CDC14A: variants seen among roughly 807,000 people sequenced by gnomAD.
The protein encoded by CDC14A is dual specificity protein phosphatase CDC14A.
A neutral mutation model predicts 74.4 loss-of-function variants in CDC14A; 53 were observed. The observed-to-expected ratio is 0.71, with a 90% CI of 0.57 to 0.89. The LOEUF is 0.89. CDC14A is among the 40% of genes least tolerant of loss of function. The probability of loss-of-function intolerance (pLI) is 0.00; values close to 1 mark genes in which losing one functional copy is unlikely to be tolerated. For missense variants in CDC14A, 646 were observed against 713.7 expected, an observed-to-expected ratio of 0.91 and a Z score of 1.08; for synonymous variants, 247 against 258.4, an observed-to-expected ratio of 0.96 and a Z score of 0.43.
chr1:100,513,011 C>T (rs1649909317), intron 15 of CDC14A, among the ~76,000 whole-genome samples: 1 of 152,100 alleles, frequency 6.6e-6, no homozygotes, highest in Non-Finnish European at 1.5e-5. Flanking sequence ...CTATACAATT[C>T]ATCCATGTAG....
rs876661408 is a variant in CDC14A, at chr1:100,484,440, C to T, written c.1126C>T (p.Arg376Ter). ...GNLSKTQNME[R>*]FGEDNLEDDD... ...TCTTTCAAAAACACAAAACATGGAA[C>T]GATTTGGAGAGGTAAGTTTTCCCTA... The change falls in exon 11 of 16, where the codon CGA (arginine) becomes TGA (stop). Residue 376 changes from arginine (R) to a stop codon, truncating the protein, a stop_gained. Coordinates refer to ENST00000336454, the MANE Select transcript of CDC14A (RefSeq NM_003672.4). LOFTEE classifies it high-confidence loss of function. 5.0e-6 allele frequency: 8 copies of T among 1,594,228 alleles called. No individual in the cohort carries two copies. Among genetic ancestry groups the T allele is most frequent in the Middle Eastern group, 1.7e-4 (1 of 5,816 alleles).
chr1:100,387,127 C>T (rs1244242781), intron 3 of CDC14A, among the ~76,000 whole-genome samples: 3 of 151,904 alleles, frequency 2.0e-5, no homozygotes, highest in Admixed American at 1.3e-4. Flanking sequence ...CTCTGTTGAA[C>T]AGCATCACTG....
At chr1:100,461,857 C>A (rs1322854009) in intron 8 of CDC14A, among the ~76,000 whole-genome samples, 1 of 152,112 alleles carries the variant, frequency 6.6e-6, no homozygotes, top group Non-Finnish European at 1.5e-5. Flanking sequence ...TGTACAACAA[C>A]TTTTGAAATA....
chr1:100,484,505 T>C, intron 11 of CDC14A, 54 bp downstream of exon 11: 1 of 1,540,122 alleles, frequency 6.5e-7, no homozygotes, highest in Non-Finnish European at 8.7e-7. Context: ...CTGCATTTGT[T>C]TCTCAGTTGG....
intron 15 of CDC14A, among the ~76,000 whole-genome samples, chr1:100,514,142 T>C (rs1275500886): frequency 6.7e-6 from 1 of 148,612 alleles, no homozygotes; most frequent in Non-Finnish European, 1.5e-5. Context: ...ACTTCTAAAA[T>C]AATATTTGTA....
chr1:100,419,885 A>G (rs1175533457), intron 4 of CDC14A, among the ~76,000 whole-genome samples: 3 of 151,322 alleles, frequency 2.0e-5, no homozygotes, highest in Admixed American at 1.3e-4. Flanking sequence ...TTAAACAAAT[A>G]AAATTGAAGA....
intron 13 of CDC14A, 75 bp downstream of exon 13, chr1:100,496,124 AACACGAAAATCAACTGT>A: frequency 7.8e-7 from 1 of 1,284,496 alleles, no homozygotes; most frequent in East Asian, 2.3e-5. Flanking sequence ...CCAAGCCTCA[AACACGAAAATCAACTGT>A]ACACAGCTTT....
chr1:100,389,712 G>T (rs1359879249), intron 3 of CDC14A, among the ~76,000 whole-genome samples: 5 of 151,978 alleles, frequency 3.3e-5, no homozygotes, highest in African/African-American at 1.2e-4. Flanking sequence ...GGTTCTAAAA[G>T]CAGGGATTTT....
chr1:100,369,933 C>T (rs898679052), intron 2 of CDC14A, among the ~76,000 whole-genome samples: 2 of 151,718 alleles, frequency 1.3e-5, no homozygotes, highest in African/African-American at 4.8e-5. Flanking sequence ...GCCTCAGCCT[C>T]CCAAGTAGCT....
At chr1:100,487,285 A>G (rs1004547002) in intron 11 of CDC14A, among the ~76,000 whole-genome samples, 1 of 152,228 alleles carries the variant, frequency 6.6e-6, no homozygotes, top group Non-Finnish European at 1.5e-5. Flanking sequence ...TAGGCCGGGC[A>G]TGGTGGCTTA....
intron 3 of CDC14A, among the ~76,000 whole-genome samples, chr1:100,389,817 GT>G (rs960167660): frequency 1.3e-5 from 2 of 151,648 alleles, no homozygotes; most frequent in African/African-American, 4.8e-5. Context: ...TTGTGCCTGT[GT>G]TTTTTTTGCT....
intron 4 of CDC14A, among the ~76,000 whole-genome samples, chr1:100,420,053 C>CACAT (rs1553180473): frequency 1.6e-4 from 3 of 18,394 alleles, no homozygotes; most frequent in Admixed American, 5.7e-4. Context: ...CACACACACA[C>CACAT]ACACACACAC....
At chr1:100,429,206 A>AAATAAATAAATAAATAAAT (rs1663318468) in intron 5 of CDC14A, among the ~76,000 whole-genome samples, 1 of 113,418 alleles carries the variant, frequency 8.8e-6, no homozygotes. Context: ...TCCATCTCAA[A>AAATAAATAAATAAATAAAT]AAATAAATAA....
At chr1:100,404,418 AC>A (rs2101020812) in intron 4 of CDC14A, among the ~76,000 whole-genome samples, 1 of 152,068 alleles carries the variant, frequency 6.6e-6, no homozygotes, top group African/African-American at 2.4e-5. Context: ...ATCTTCCCAA[AC>A]CCCCGTAACA....
intron 3 of CDC14A, among the ~76,000 whole-genome samples, chr1:100,389,052 G>A (rs1657283491): frequency 6.6e-6 from 1 of 151,856 alleles, no homozygotes; most frequent in Non-Finnish European, 1.5e-5. Flanking sequence ...GCATGTGCCT[G>A]TGGTCCCAGC....
At chr1:100,489,700 T>C (rs1670424109) in intron 11 of CDC14A, among the ~76,000 whole-genome samples, 7 of 151,984 alleles carry the variant, frequency 4.6e-5, no homozygotes, top group Admixed American at 4.6e-4. Context: ...AGGAAGAGAG[T>C]TGCTGCTTAA....
Position 100,443,004 on chromosome 1 carries a change from CA to C in CDC14A, c.519+9del. 6.4e-7 allele frequency: 1 copy of C among 1,551,078 alleles called. No individual in the cohort carries two copies. Among genetic ancestry groups the C allele is most frequent in the Non-Finnish European group, 8.9e-7 (1 of 1,126,044 alleles). On this transcript the variant is annotated intron_variant, in intron 7 of 15. Transcript: ENST00000336454. ...GAATATGAACATTATGAGGTTTGTA[CA>C]TTTAATTTTTTTTACAAAACATAAT...
At chr1:100,384,056 G>C (rs1426008733) in intron 3 of CDC14A, among the ~76,000 whole-genome samples, 1 of 152,136 alleles carries the variant, frequency 6.6e-6, no homozygotes, top group Non-Finnish European at 1.5e-5. Flanking sequence ...TGTGCAGCTT[G>C]TCATTATTTT....
intron 5 of CDC14A, among the ~76,000 whole-genome samples, chr1:100,427,963 G>C (rs900543409): frequency 2.0e-5 from 3 of 152,130 alleles, no homozygotes; most frequent in African/African-American, 7.2e-5. Context: ...ATGAAAACTG[G>C]AGAACAGCAA....
Sources: gnomAD v4.1 joint callset for allele counts (sites outside exome capture counted in the v4.1 genomes callset) on GRCh38, gnomAD v4.1.1 for gene constraint, MANE v1.5 for transcripts, NCBI Gene and HGNC (gene_info 2026-07-23, HGNC 2026-07-21) for gene names.